DOCK11: variants seen among roughly 807,000 people sequenced by gnomAD.
DOCK11 encodes dedicator of cytokinesis 11.
A neutral mutation model predicts 169.1 loss-of-function variants in DOCK11; 70 were observed. The observed-to-expected ratio is 0.41, with a 90% CI of 0.34 to 0.51. DOCK11 has a LOEUF of 0.51. Among genes scored for constraint, DOCK11 ranks in the 20% least tolerant of loss-of-function variants. DOCK11 has a pLI of 0.10. For missense variants in DOCK11, 1,166 were observed against 1,538.8 expected (o/e 0.76, Z 4.05); for synonymous variants, 529 against 541.3 (o/e 0.98, Z 0.32).
At chrX:118,500,002 C>G (rs913318175) in intron 1 of DOCK11, among the ~76,000 whole-genome samples, 5 of 109,531 alleles carry the variant, frequency 4.6e-5, no homozygotes, top group Non-Finnish European at 7.6e-5. Context: ...TGGATTGAGT[C>G]TTTTTCTATT....
intron 1 of DOCK11, among the ~76,000 whole-genome samples, chrX:118,520,586 A>G (rs1330867425): frequency 8.9e-6 from 1 of 111,972 alleles, no homozygotes; most frequent in South Asian, 3.8e-4. Flanking sequence ...TGTCCTTGAT[A>G]ATACAAGATG....
At chrX:118,504,930 G>C (rs1029950444) in intron 1 of DOCK11, among the ~76,000 whole-genome samples, 2 of 112,790 alleles carry the variant, frequency 1.8e-5, no homozygotes, top group Non-Finnish European at 3.7e-5. Flanking sequence ...CCCAGGTTCA[G>C]AGTTCAGCCC....
intron 32 of DOCK11, among the ~76,000 whole-genome samples, chrX:118,626,065 C>CTT (rs570844267): frequency 0.057 from 5,320 of 92,585 alleles, 169 homozygotes; most frequent in Non-Finnish European, 0.077. Context: ...AAATCCTTTA[C>CTT]TTTTTTTTTT....
chrX:118,592,328 A>G (rs1319632473), intron 19 of DOCK11, among the ~76,000 whole-genome samples: 1 of 87,085 alleles, frequency 1.1e-5, no homozygotes, highest in Admixed American at 1.4e-4. Flanking sequence ...TGCCACTCTA[A>G]CTGGTGTGAG....
chrX:118,558,801 G>T (rs1281794303), intron 6 of DOCK11, among the ~76,000 whole-genome samples: 1 of 112,105 alleles, frequency 8.9e-6, no homozygotes, highest in African/African-American at 3.2e-5. Context: ...TAGCTTCCAG[G>T]CTAGGAAGGC....
In DOCK11 at chrX:118,573,855, G is replaced by T. The variant is rs766142611; in HGVS notation, c.1226G>T (p.Cys409Phe). 1 of 1,208,902 alleles carries T rather than the reference G, an allele frequency of 8.3e-7. No individual in the cohort carries two copies. The highest frequency in any genetic ancestry group is 1.1e-6 in the Non-Finnish European group (1 of 894,825). ...GCCTTATTTGATGTAAAGAACAATT[G>T]TAAGATTTCAGCAGACTTTCATGTA... is the stretch of plus-strand genomic sequence containing the variant. ...NLALFDVKNN[C>F]KISADFHVDL... The change falls in exon 12 of 53, where the codon TGT (cysteine) becomes TTT (phenylalanine). Residue 409 changes from cysteine to phenylalanine, a missense_variant. Cys to Phe is a radical substitution (Grantham distance 205). Coordinates refer to ENST00000276202, the MANE Select transcript of DOCK11 (RefSeq NM_144658.4).
At chrX:118,581,397 G>T (rs1185714181) in intron 14 of DOCK11, among the ~76,000 whole-genome samples, 1 of 111,335 alleles carries the variant, frequency 9.0e-6, no homozygotes, top group Non-Finnish European at 1.9e-5. Flanking sequence ...GCAGAGGTTG[G>T]TGTATGTAGG....
chrX:118,553,585 C>T (rs2012577311), intron 6 of DOCK11, among the ~76,000 whole-genome samples: 1 of 111,390 alleles, frequency 9.0e-6, no homozygotes, highest in South Asian at 3.8e-4. Context: ...CAAAAAGAGC[C>T]ATTTGTTATA....
chrX:118,630,340 T>C (rs372607195), intron 34 of DOCK11, 39 bp from the exon 35 acceptor site: 2 of 905,031 alleles, frequency 2.2e-6, no homozygotes, highest in South Asian at 2.3e-5. Context: ...CTGTGGAAAA[T>C]TGTACTGATA....
intron 1 of DOCK11, among the ~76,000 whole-genome samples, chrX:118,504,759 A>G (rs1479809246): frequency 8.9e-6 from 1 of 112,002 alleles, no homozygotes; most frequent in African/African-American, 3.2e-5. Context: ...ATCAGCCTAC[A>G]GCCAGATGCC....
chrX:118,679,168 A>G (rs1177332187), intron 48 of DOCK11, among the ~76,000 whole-genome samples: 1 of 111,459 alleles, frequency 9.0e-6, no homozygotes, highest in East Asian at 2.8e-4. Context: ...CGCTCAAGCA[A>G]TCCTCCTGTC....
chrX:118,568,374 A>T (rs1191097379), intron 10 of DOCK11, among the ~76,000 whole-genome samples: 1 of 1,465 alleles, frequency 6.8e-4, no homozygotes, highest in African/African-American at 2.9e-3. Context: ...GCTGAATTAT[A>T]TATATATATA....
chrX:118,600,332 G>T (rs1432602627), intron 23 of DOCK11, among the ~76,000 whole-genome samples: 1 of 109,228 alleles, frequency 9.2e-6, no homozygotes, highest in African/African-American at 3.3e-5. Flanking sequence ...GCTTGAACCT[G>T]GGAGGCGGAG....
intron 31 of DOCK11, among the ~76,000 whole-genome samples, chrX:118,619,291 T>C (rs2014903040): frequency 9.5e-6 from 1 of 105,249 alleles, no homozygotes; most frequent in South Asian, 4.4e-4. Context: ...CTGGGCAACA[T>C]GGTGAAACCT....
chrX:118,588,366 A>G (rs2013882958), intron 17 of DOCK11, 45 bp downstream of exon 17: 5 of 1,159,644 alleles, frequency 4.3e-6, no homozygotes, highest in Non-Finnish European at 4.6e-6. Context: ...AATGTTATTT[A>G]TAATCTGCTA....
intron 16 of DOCK11, among the ~76,000 whole-genome samples, chrX:118,587,019 A>G (rs1187802788): frequency 8.9e-6 from 1 of 112,460 alleles, no homozygotes; most frequent in Non-Finnish European, 1.9e-5. Flanking sequence ...TTTTTTCCTA[A>G]AGAAGCAATT....
rs1267614133 is a variant in DOCK11 at position 118,588,418 on chromosome X, G to A, written c.1986G>A (p.Arg662=). The part of the protein sequence containing the change: ...YDSQKTFAKA[R]NIAVCVEFRD... ...TGACTGATTAATCATTTTAGGCAAG[G>A]AACATTGCAGTCTGTGTGGAATTCC... is the stretch of plus-strand genomic sequence containing the variant. Residue 662 remains arginine, a synonymous_variant, in exon 18 of 53, where the codon AGG becomes AGA. Transcript: ENST00000276202. 1.0e-5 allele frequency: 12 copies of A among 1,189,387 alleles called. No individual in the cohort carries two copies. The highest frequency in any genetic ancestry group is 1.2e-5 in the Non-Finnish European group (11 of 885,313).
chrX:118,519,113 C>G (rs2057707182), intron 1 of DOCK11, among the ~76,000 whole-genome samples: 1 of 111,776 alleles, frequency 8.9e-6, no homozygotes, highest in Non-Finnish European at 1.9e-5. Context: ...AGCTTGCATT[C>G]CCAGCTCTCT....
rs1165174127 is a variant in DOCK11 at position 118,614,738 on chromosome X, A to G, written c.3143A>G (p.Asn1048Ser). 1 of 1,195,394 alleles carries G rather than the reference A, an allele frequency of 8.4e-7. No homozygotes were observed. The highest frequency in any genetic ancestry group is 1.8e-5 in the South Asian group (1 of 55,532). The change falls in exon 29 of 53, where the codon AAT becomes AGT. Residue 1048 changes from asparagine to serine, a missense_variant. Asn to Ser is a conservative substitution (Grantham distance 46, BLOSUM62 1). Coordinates refer to ENST00000276202, the MANE Select transcript of DOCK11 (RefSeq NM_144658.4). ...AGAGGATTTATTTTCAATTTAATAA[A>G]TGACTATATATCTGGATTCAGCCCC... ...MDRGFIFNLI[N>S]DYISGFSPKD...
Sources: allele counts gnomAD v4.1 joint callset (sites outside exome capture counted in the v4.1 genomes callset), GRCh38; gene constraint gnomAD v4.1.1; transcripts MANE v1.5; gene names NCBI Gene and HGNC (gene_info 2026-07-23, HGNC 2026-07-21).